The following TG variants were observed in gnomAD, a reference collection of about 807,000 sequenced individuals.
TG encodes thyroglobulin.
A neutral mutation model predicts 324.7 loss-of-function variants in TG; 270 were observed. The ratio of observed to expected loss-of-function variants is 0.83; its 90% CI spans 0.75 to 0.92. The LOEUF is 0.92. Among genes scored for constraint, TG ranks in the 40% least tolerant of loss-of-function variants. TG has a pLI of 0.00. For synonymous variants in TG, 1,401 were observed against 1,327.0 expected (o/e 1.06, Z -1.21); for missense variants, 3,591 against 3,456.4 (o/e 1.04, Z -0.98).
rs943220639 is a variant in TG, at chr8:132,915,561, G to T, written c.4378+2296G>T. Among the ~76,000 whole-genome samples, 2 of 152,272 alleles carry T rather than the reference G, an allele frequency of 1.3e-5. 1 individual carries two copies. The highest frequency in any genetic ancestry group is 4.8e-5 in the African/African-American group (2 of 41,556). On this transcript the variant is annotated intron_variant, in intron 20 of 47. Coordinates refer to ENST00000220616, the MANE Select transcript of TG (RefSeq NM_003235.5). Reference sequence around the variant, plus strand: ...ATGGGGCGTAGGGAAGAGACTGCATGGGAGACCTTGCCCAGGACACACCTG... The same window carrying T: ...ATGGGGCGTAGGGAAGAGACTGCATTGGAGACCTTGCCCAGGACACACCTG...
chr8:132,948,184 C>CG (rs1413648304), intron 26 of TG, among the ~76,000 whole-genome samples: 2 of 151,592 alleles, frequency 1.3e-5, no homozygotes, highest in Non-Finnish European at 2.9e-5. Context: ...CTCCGTCCCC[C>CG]CCCAAAAAAA....
intron 35 of TG, among the ~76,000 whole-genome samples, chr8:133,006,831 G>A (rs888682608): frequency 3.9e-5 from 6 of 152,228 alleles, no homozygotes; most frequent in Non-Finnish European, 8.8e-5. Context: ...TAATTTTTTA[G>A]TTATAGGTTT....
chr8:133,052,147 A>G (rs1001984554), intron 41 of TG, among the ~76,000 whole-genome samples: 1 of 152,214 alleles, frequency 6.6e-6, no homozygotes, highest in African/African-American at 2.4e-5. Context: ...CTTACAACTC[A>G]TATGTCTTGC....
At chr8:133,021,722 C>A (rs1181580186) in intron 39 of TG, among the ~76,000 whole-genome samples, 2 of 152,194 alleles carry the variant, frequency 1.3e-5, no homozygotes, top group Non-Finnish European at 1.5e-5. Flanking sequence ...CTGACCCCCT[C>A]TTCTTATAAG....
In TG at chr8:133,095,088, G is replaced by A; in HGVS notation, c.7284G>A (p.Arg2428=). The change falls in exon 42 of 48, where the codon AGG becomes AGA. Residue 2428 remains arginine, a synonymous_variant. Coordinates refer to ENST00000220616, the MANE Select transcript of TG (RefSeq NM_003235.5). ...CGGCCGCCGTCATCAGCCATGAGAG[G>A]GCTCAGCAGCAGGCAATTGCTTTGG... ...LSPAAVISHE[R]AQQQAIALAK... is the part of the protein sequence containing the mutation. 6.2e-7 allele frequency: 1 copy of A among 1,614,140 alleles called. No homozygotes were observed.
chr8:132,879,722 C>T (rs1209142026), intron 5 of TG, among the ~76,000 whole-genome samples: 1 of 152,144 alleles, frequency 6.6e-6, no homozygotes, highest in Non-Finnish European at 1.5e-5. Flanking sequence ...GAGCTGAAGA[C>T]AGGGTGATCT....
intron 16 of TG, among the ~76,000 whole-genome samples, chr8:132,904,048 CT>C (rs1563933994): frequency 6.6e-6 from 1 of 152,206 alleles, no homozygotes; most frequent in Non-Finnish European, 1.5e-5. Context: ...AAAATCCTGC[CT>C]CCAGTGGGCA....
chr8:133,124,489 T>C (rs1461601785), intron 45 of TG, among the ~76,000 whole-genome samples: 1 of 152,218 alleles, frequency 6.6e-6, no homozygotes, highest in Non-Finnish European at 1.5e-5. Flanking sequence ...CTAAATCAAC[T>C]AGAGTTTTAA....
In TG at chr8:133,012,048, T is replaced by C. The variant is rs1834557576; in HGVS notation, c.6397+13T>C. ...CTCTGTTTGTCGGGTAAGGGGAGTT[T>C]CCAACCCACAGGTTGGGTGGGACAA... is the stretch of plus-strand genomic sequence containing the variant. On this transcript the variant is annotated intron_variant, in intron 36 of 47. Coordinates refer to ENST00000220616, the MANE Select transcript of TG (RefSeq NM_003235.5). The C allele has an allele frequency of 6.2e-7, 1 of 1,614,192 alleles. No homozygotes were observed.
intron 26 of TG, among the ~76,000 whole-genome samples, chr8:132,942,397 A>T (rs1824575686): frequency 6.6e-6 from 1 of 152,226 alleles, no homozygotes; most frequent in Admixed American, 6.5e-5. Context: ...TCTCCTTAGC[A>T]GCATCAAACT....
intron 26 of TG, among the ~76,000 whole-genome samples, chr8:132,945,317 A>G (rs1013478898): frequency 1.3e-5 from 2 of 152,160 alleles, no homozygotes; most frequent in Admixed American, 6.5e-5. Context: ...CAAATTCAAT[A>G]AGACTTTGAA....
rs373314256 is a variant in TG at position 132,881,905 on chromosome 8, G to A, written c.681G>A (p.Arg227=). ...AFVTFSSFQR[R]FPEVSGYCHC... Reference sequence around the variant, plus strand: ...TGACCTTCAGTTCCTTCCAGAGGAGGTTCCCTGAGGTATCTGGGTATTGCC... The same window carrying A: ...TGACCTTCAGTTCCTTCCAGAGGAGATTCCCTGAGGTATCTGGGTATTGCC... The change falls in exon 6 of 48, where the codon AGG becomes AGA. Residue 227 remains arginine, a synonymous_variant. Coordinates refer to ENST00000220616, the MANE Select transcript of TG (RefSeq NM_003235.5). The A allele has an allele frequency of 1.2e-6, 2 of 1,614,082 alleles. No individual in the cohort carries two copies. Among genetic ancestry groups the A allele is most frequent in the Non-Finnish European group, 1.7e-6 (2 of 1,180,016 alleles).
chr8:133,012,938 A>C (rs1834648799), intron 36 of TG, among the ~76,000 whole-genome samples: 1 of 152,248 alleles, frequency 6.6e-6, no homozygotes, highest in African/African-American at 2.4e-5. Flanking sequence ...TGCAAGGGAA[A>C]GGGCATGGTC....
At chr8:132,999,920 C>T (rs1225823996) in intron 35 of TG, among the ~76,000 whole-genome samples, 1 of 152,178 alleles carries the variant, frequency 6.6e-6, no homozygotes, top group African/African-American at 2.4e-5. Context: ...ACAACCAGAC[C>T]TACATCCCCC....
At chr8:132,900,206 A>T (rs781327120) in intron 14 of TG, 31 bp from the exon 15 acceptor site, 2 of 1,604,684 alleles carry the variant, frequency 1.2e-6, no homozygotes, top group South Asian at 2.2e-5. Context: ...TCTTGCCCAC[A>T]GTGACTGACA....
chr8:133,061,191 G>A (rs1842323366), intron 41 of TG, among the ~76,000 whole-genome samples: 1 of 152,172 alleles, frequency 6.6e-6, no homozygotes. Flanking sequence ...TGTATTTTTA[G>A]TAGAGATGGG....
chr8:133,065,054 T>C (rs1842860454), intron 41 of TG, among the ~76,000 whole-genome samples: 1 of 152,186 alleles, frequency 6.6e-6, no homozygotes, highest in Non-Finnish European at 1.5e-5. Context: ...TGCTGCAAAG[T>C]GTGACAGCTA....
Position 132,901,362 on chromosome 8 carries a change from T to C in TG, c.3443T>C (p.Leu1148Pro). ...CTTGTCTCTGTGTCAGGCCCAAGCC[T>C]CTGCAATGTGCTCAAGAGTGGAGTC... ...GSSSSAQCPS[L>P]CNVLKSGVLS... Residue 1148 changes from leucine (L) to proline (P), a missense_variant, in exon 16 of 48, where the codon CTC becomes CCC. Transcript: ENST00000220616. 1 of 1,614,146 alleles carries C rather than the reference T, an allele frequency of 6.2e-7. No homozygotes were observed. The highest frequency in any genetic ancestry group is 8.5e-7 in the Non-Finnish European group (1 of 1,180,032).
rs1043962329 is a variant in TG, at chr8:133,074,297, G to A, written c.7240-20747G>A. ...TGCATACAATCACACTCCAAGTAGC[G>A]CTATTGCAATCCCTCAACCCACCTG... On this transcript the variant is annotated intron_variant, in intron 41 of 47. Coordinates refer to ENST00000220616, the MANE Select transcript of TG (RefSeq NM_003235.5). Among the ~76,000 whole-genome samples, 11 of 152,166 alleles carry A rather than the reference G, an allele frequency of 7.2e-5. No homozygotes were observed. In the East Asian group the frequency reaches 7.7e-4, roughly 11 times the overall value.
Sources: allele counts gnomAD v4.1 joint callset (sites outside exome capture counted in the v4.1 genomes callset), GRCh38; gene constraint gnomAD v4.1.1; transcripts MANE v1.5; gene names NCBI Gene and HGNC (gene_info 2026-07-23, HGNC 2026-07-21).